RBFOX3: variants seen among roughly 807,000 people sequenced by gnomAD.
The protein encoded by RBFOX3 is RNA binding fox-1 homolog 3.
A neutral mutation model predicts 48.7 loss-of-function variants in RBFOX3; 17 were observed. The ratio of observed to expected loss-of-function variants is 0.35; its 90% CI spans 0.24 to 0.52. RBFOX3 has a LOEUF of 0.52. Ranked by LOEUF, RBFOX3 falls within the 20% of genes least tolerant of loss-of-function variation. The pLI, the probability that RBFOX3 is intolerant of heterozygous loss-of-function variation, is 0.94. For missense variants in RBFOX3, 382 were observed against 497.5 expected (o/e 0.77, Z 2.21); for synonymous variants, 212 against 209.5 (o/e 1.01, Z -0.10).
At chr17:79,550,356 C>T (rs1352147705) in intron 1 of RBFOX3, among the ~76,000 whole-genome samples, 3 of 152,038 alleles carry the variant, frequency 2.0e-5, no homozygotes, top group South Asian at 2.1e-4. Context: ...TGAGAGATTA[C>T]GGTGCAAGGA....
At position 79,271,339 on chromosome 17, in the gene RBFOX3, G is replaced by A. The variant is rs1251990367; in HGVS notation, c.-73-35534C>T. Among the ~76,000 whole-genome samples, 7 of 152,302 alleles carry A rather than the reference G, an allele frequency of 4.6e-5. No individual in the cohort carries two copies. In the South Asian group the frequency reaches 1.5e-3, roughly 32 times the overall value. On this transcript the variant is annotated intron_variant, in intron 3 of 14. Coordinates refer to ENST00000693108, the MANE Select transcript of RBFOX3 (RefSeq NM_001350451.2). ...GATCCATGTGTCTTGGCCTCCCAAA[G>A]TGCTGGGATTACAGGCGTGAGCCAC...
intron 1 of RBFOX3, among the ~76,000 whole-genome samples, chr17:79,571,759 AG>A (rs1202650224): frequency 6.6e-6 from 1 of 152,070 alleles, no homozygotes; most frequent in Non-Finnish European, 1.5e-5. Flanking sequence ...AACTTGCTGC[AG>A]GGGGTCTGGC....
At chr17:79,420,468 G>A (rs1172780818) in intron 2 of RBFOX3, among the ~76,000 whole-genome samples, 1 of 152,196 alleles carries the variant, frequency 6.6e-6, no homozygotes, top group Non-Finnish European at 1.5e-5. Flanking sequence ...TCCTCTGCCA[G>A]CCAGCCTGCT....
At chr17:79,525,097 G>A (rs2086624237) in intron 1 of RBFOX3, among the ~76,000 whole-genome samples, 1 of 152,156 alleles carries the variant, frequency 6.6e-6, no homozygotes, top group Non-Finnish European at 1.5e-5. Flanking sequence ...ACCTTTCGGG[G>A]TGCCCTGTAA....
At chr17:79,442,358 GGGGGGAGAGAGAGAGAGAGA>G (rs2071261521) in intron 2 of RBFOX3, among the ~76,000 whole-genome samples, 1 of 27,014 alleles carries the variant, frequency 3.7e-5, no homozygotes, top group African/African-American at 2.4e-4. Context: ...GGAGGAAGAG[GGGGGGAGAGAGAGAGAGAGA>G]GAGAGAGAGA....
At chr17:79,121,465 A>C (rs1599530769) in intron 4 of RBFOX3, among the ~76,000 whole-genome samples, 1 of 151,156 alleles carries the variant, frequency 6.6e-6, no homozygotes. Context: ...CAATTCCCTC[A>C]CTCCCATTCT....
intron 4 of RBFOX3, among the ~76,000 whole-genome samples, chr17:79,166,305 G>A (rs962869600): frequency 6.6e-6 from 1 of 152,202 alleles, no homozygotes; most frequent in Non-Finnish European, 1.5e-5. Context: ...GCTATGCTCA[G>A]GAAAGGAGGC....
intron 1 of RBFOX3, among the ~76,000 whole-genome samples, chr17:79,522,308 T>C (rs1023998008): frequency 3.5e-4 from 54 of 152,258 alleles, no homozygotes; most frequent in Admixed American, 2.6e-4. Context: ...AAGGCAGCCC[T>C]GAGCCTTAAG....
At chr17:79,447,324 G>T (rs1157825776) in intron 2 of RBFOX3, among the ~76,000 whole-genome samples, 2 of 152,174 alleles carry the variant, frequency 1.3e-5, no homozygotes, top group African/African-American at 4.8e-5. Flanking sequence ...GAAATTAAAT[G>T]TGCAGCCTCA....
chr17:79,116,877 A>G (rs899606838), intron 4 of RBFOX3, among the ~76,000 whole-genome samples: 9 of 152,264 alleles, frequency 5.9e-5, no homozygotes, highest in Non-Finnish European at 1.3e-4. Flanking sequence ...CTGGGCCCAC[A>G]GCATCAGCAG....
intron 1 of RBFOX3, among the ~76,000 whole-genome samples, chr17:79,491,889 G>A (rs2080725730): frequency 6.6e-6 from 1 of 152,114 alleles, no homozygotes; most frequent in Non-Finnish European, 1.5e-5. Context: ...AGACCAGCCT[G>A]GCCAACATGG....
intron 2 of RBFOX3, among the ~76,000 whole-genome samples, chr17:79,373,875 T>G (rs545035237): frequency 1.0e-4 from 15 of 145,846 alleles, no homozygotes; most frequent in African/African-American, 3.2e-4. Flanking sequence ...GTTTTTGTTT[T>G]GAGACTGAGT....
chr17:79,588,545 G>C (rs9889950), intron 1 of RBFOX3, among the ~76,000 whole-genome samples: 39,424 of 152,112 alleles, frequency 0.26, 5,265 homozygotes, highest in African/African-American at 0.34. Flanking sequence ...TCTCTTTGAT[G>C]TGTTGAGCTA....
intron 9 of RBFOX3, 151 bp downstream of exon 9, chr17:79,101,433 C>T (rs922053100): frequency 4.5e-5 from 32 of 706,114 alleles, no homozygotes; most frequent in African/African-American, 1.9e-4. Flanking sequence ...CGCTTCTGAC[C>T]GGGAGCAGAG....
rs1598849536 is a variant in RBFOX3, at chr17:79,473,723, T to C, written c.-175+8731A>G. 6.6e-6 allele frequency among the ~76,000 whole-genome samples: 1 copy of C among 152,086 alleles called. No individual in the cohort carries two copies. Among genetic ancestry groups the C allele is most frequent in the East Asian group, 1.9e-4 (1 of 5,198 alleles). ...CTCAGCAATGCTCAGCAATGCAAGGTCACTCAGAAACACCATCTGTCCAAG... is the reference window on the plus strand; with the variant it reads ...CTCAGCAATGCTCAGCAATGCAAGGCCACTCAGAAACACCATCTGTCCAAG... On this transcript the variant is annotated intron_variant, in intron 2 of 14. Coordinates refer to ENST00000693108, the MANE Select transcript of RBFOX3 (RefSeq NM_001350451.2). This position sits in a 1 kb window ranked among gnomAD's most constrained non-coding sequence, Gnocchi z 4.2.
intron 2 of RBFOX3, among the ~76,000 whole-genome samples, chr17:79,326,656 C>A (rs1353524710): frequency 6.6e-6 from 1 of 152,198 alleles, no homozygotes; most frequent in African/African-American, 2.4e-5. Flanking sequence ...GCACTCCCTG[C>A]CAGAGGTGGC....
intron 1 of RBFOX3, among the ~76,000 whole-genome samples, chr17:79,525,167 G>A (rs986775261): frequency 1.0e-3 from 152 of 152,228 alleles, no homozygotes; most frequent in African/African-American, 3.2e-3. Context: ...TTGTGGGGCC[G>A]TCCTGTGCAT....
rs573208656 is a variant in RBFOX3, at chr17:79,233,148, C to A, written c.-34+2618G>T. Among the ~76,000 whole-genome samples, 4 of 152,276 alleles carry A rather than the reference C, an allele frequency of 2.6e-5. No homozygotes were observed. The South Asian group carries it at 6.2e-4, about 24-fold the overall frequency. On this transcript the variant is annotated intron_variant, in intron 4 of 14. Transcript: ENST00000693108. ...TCAGCGCTTTGTAGCTCAATCCCAG[C>A]GTGGAATACTACTTGGCCAGAACAA...
intron 1 of RBFOX3, among the ~76,000 whole-genome samples, chr17:79,557,641 G>A: frequency 6.6e-6 from 1 of 152,368 alleles, no homozygotes; most frequent in Non-Finnish European, 1.5e-5. Context: ...GAAGAAACGA[G>A]TCTGAAGAAA....
Sources: allele counts gnomAD v4.1 joint callset (sites outside exome capture counted in the v4.1 genomes callset), GRCh38; gene constraint gnomAD v4.1.1; non-coding constraint Gnocchi (gnomAD v3.1); transcripts MANE v1.5; gene names NCBI Gene and HGNC (gene_info 2026-07-23, HGNC 2026-07-21).